LIAS: variants seen among roughly 807,000 people sequenced by gnomAD.
The protein encoded by LIAS is lipoic acid synthetase.
A neutral mutation model predicts 49.4 loss-of-function variants in LIAS; 36 were observed. The ratio of observed to expected loss-of-function variants is 0.73; its 90% confidence interval spans 0.56 to 0.96. LIAS has a LOEUF of 0.96. Ranked by LOEUF, LIAS falls within the 40% of genes least tolerant of loss-of-function variation. The probability of loss-of-function intolerance (pLI) is 0.00; values close to 1 mark genes in which losing one functional copy is unlikely to be tolerated. For synonymous variants in LIAS, 145 were observed against 155.8 expected, an observed-to-expected ratio of 0.93 and a Z score of 0.52; for missense variants, 399 against 456.3, an observed-to-expected ratio of 0.87 and a Z score of 1.14.
intron 3 of LIAS, among the ~76,000 whole-genome samples, chr4:39,463,025 T>A (rs891348986): frequency 6.6e-6 from 1 of 151,972 alleles, no homozygotes; most frequent in South Asian, 2.1e-4. Context: ...TACATAATTA[T>A]GTAAGGGAGT....
At chr4:39,459,432 C>T (rs1035658963) in intron 1 of LIAS, among the ~76,000 whole-genome samples, 1 of 152,140 alleles carries the variant, frequency 6.6e-6, no homozygotes, top group African/African-American at 2.4e-5. Context: ...ATTTATGGAG[C>T]ACTGCAGTGA....
intron 6 of LIAS, among the ~76,000 whole-genome samples, chr4:39,465,690 G>A (rs1209564139): frequency 6.7e-6 from 1 of 149,166 alleles, no homozygotes; most frequent in African/African-American, 2.5e-5. Flanking sequence ...TTTTGAGATG[G>A]AGTCTCGCTC....
chr4:39,460,200 G>A (rs996120599), intron 1 of LIAS, among the ~76,000 whole-genome samples: 3 of 152,148 alleles, frequency 2.0e-5, no homozygotes, highest in Non-Finnish European at 4.4e-5. Flanking sequence ...CTAGTTCCTG[G>A]TAGGTGGAGT....
At chr4:39,467,442 A>C (rs181382607) in intron 6 of LIAS, 76 bp from the exon 7 acceptor site, 1 of 1,398,866 alleles carries the variant, frequency 7.1e-7, no homozygotes, top group East Asian at 2.4e-5. Context: ...CTGAACGATT[A>C]CTGATAATTT....
At chr4:39,468,502 A>AAAAAAAATATATATAT (rs140159831) in intron 7 of LIAS, 1 of 125,186 alleles carries the variant, frequency 8.0e-6, no homozygotes, top group African/African-American at 3.0e-5. Context: ...GGAAAAAAAA[A>AAAAAAAATATATATAT]ATATATATAT....
chr4:39,462,646 A>C (rs1744566970), intron 3 of LIAS, among the ~76,000 whole-genome samples: 1 of 152,172 alleles, frequency 6.6e-6, no homozygotes. Context: ...AGACTTTTTT[A>C]TTTGCACATA....
chr4:39,463,374 G>T, intron 3 of LIAS, 151 bp from the exon 4 acceptor site: 1 of 985,068 alleles, frequency 1.0e-6, no homozygotes, highest in Non-Finnish European at 1.4e-6. Flanking sequence ...ATGAGCCAGC[G>T]CACTTGGTCT....
intron 6 of LIAS, chr4:39,467,128 C>G (rs1482382273): frequency 6.6e-6 from 1 of 152,370 alleles, no homozygotes; most frequent in Non-Finnish European, 1.5e-5. Flanking sequence ...ATAATACTCA[C>G]ATTTATATAA....
At position 39,459,342 on chromosome 4, in the gene LIAS, C is replaced by T. The variant is rs562509717; in HGVS notation, c.45+180C>T. ...TCCCGCCAGCCCCATGATATAGAGTCTCTGGCATCAGTTTGTTTGCAAGTC... is the reference window on the plus strand; with the variant it reads ...TCCCGCCAGCCCCATGATATAGAGTTTCTGGCATCAGTTTGTTTGCAAGTC... On this transcript the variant is annotated intron_variant, in intron 1 of 10. Transcript: ENST00000640888. 9.7e-6 allele frequency: 6 copies of T among 621,180 alleles called. No individual in the cohort carries two copies. In the East Asian group the frequency reaches 1.4e-4, roughly 14 times the overall value. The allele number at this position is 621,180 out of a possible 1,614,324, so 38.5% of individuals were successfully genotyped here.
intron 9 of LIAS, among the ~76,000 whole-genome samples, chr4:39,472,084 C>T (rs68058025): frequency 0.38 from 57,748 of 151,574 alleles, 11,275 homozygotes; most frequent in African/African-American, 0.45. Context: ...TATATATATA[C>T]GTATGTGTGT....
intron 10 of LIAS, chr4:39,473,422 T>C (rs1745065726): frequency 4.9e-6 from 2 of 410,298 alleles, no homozygotes; most frequent in African/African-American, 4.1e-5. Context: ...CTTAAACAAA[T>C]TCAGCCCCCT....
intron 7 of LIAS, chr4:39,468,497 A>C (rs1300436794): frequency 7.9e-6 from 1 of 126,060 alleles, no homozygotes; most frequent in Non-Finnish European, 1.7e-5. Flanking sequence ...AGAAAGGAAA[A>C]AAAAAATATA....
Position 39,478,717 on chromosome 4 carries a change from T to C in LIAS, c.*1602T>C, listed in dbSNP as rs1208219820. ...CTTTCATTTCTCACATTGGTTGTATTATATGATGGTAAAGGCCTGAGAAAG... is the reference window on the plus strand; with the variant it reads ...CTTTCATTTCTCACATTGGTTGTATCATATGATGGTAAAGGCCTGAGAAAG... On this transcript the variant is annotated 3_prime_UTR_variant, in exon 11 of 11. Transcript: ENST00000640888. 6.6e-6 allele frequency: 1 copy of C among 152,212 alleles called. No individual in the cohort carries two copies. The highest frequency in any genetic ancestry group is 2.4e-5 in the African/African-American group (1 of 41,450). 9.4% of individuals were successfully genotyped at this position (152,212 alleles called of 1,614,324 possible).
At chr4:39,470,435 T>C (rs1372843480) in intron 8 of LIAS, 1 of 290,930 alleles carries the variant, frequency 3.4e-6, no homozygotes, top group African/African-American at 2.2e-5. Flanking sequence ...CCCCATCCTT[T>C]GCATCCACTG....
In LIAS at chr4:39,470,058, A is replaced by G; in HGVS notation, c.777A>G (p.Leu259=). ...RDPRANFDQS[L]RVLKHAKKVQ... is the part of the protein sequence containing the mutation. ...CTCGGGCCAATTTTGATCAGTCCCTACGTGTACTGAAACATGCCAAGAAGG... is the reference window on the plus strand; with the variant it reads ...CTCGGGCCAATTTTGATCAGTCCCTGCGTGTACTGAAACATGCCAAGAAGG... Residue 259 remains leucine, a synonymous_variant, in exon 8 of 11, where the codon CTA becomes CTG. Coordinates refer to ENST00000640888, the MANE Select transcript of LIAS (RefSeq NM_006859.4). 1.9e-6 allele frequency: 3 copies of G among 1,614,022 alleles called. No individual in the cohort carries two copies. Among genetic ancestry groups the G allele is most frequent in the Non-Finnish European group, 2.5e-6 (3 of 1,179,896 alleles).
intron 1 of LIAS, among the ~76,000 whole-genome samples, chr4:39,460,163 A>G (rs1372048875): frequency 6.6e-6 from 1 of 152,210 alleles, no homozygotes; most frequent in Non-Finnish European, 1.5e-5. Flanking sequence ...CAGTTATTGC[A>G]GTTCAATCTT....
At chr4:39,470,211 A>G in intron 8 of LIAS, 47 bp downstream of exon 8, 2 of 1,536,268 alleles carry the variant, frequency 1.3e-6, no homozygotes, top group Non-Finnish European at 1.8e-6. Flanking sequence ...AATTTGAGTA[A>G]TAGCAGGAAC....
At chr4:39,461,210 T>A (rs1744483788) in intron 2 of LIAS, among the ~76,000 whole-genome samples, 1 of 152,214 alleles carries the variant, frequency 6.6e-6, no homozygotes. Context: ...GCATCCAACT[T>A]CTTCAGAGTA....
Position 39,465,138 on chromosome 4 carries a change from T to C in LIAS, c.486T>C (p.Asn162=). The C allele has an allele frequency of 6.2e-7, 1 of 1,614,198 alleles. No individual in the cohort carries two copies. Among genetic ancestry groups the C allele is most frequent in the Non-Finnish European group, 8.5e-7 (1 of 1,180,016 alleles). The part of the protein sequence containing the change: ...PPPLDASEPY[N]TAKAIAEWGL... ...CACTGGATGCCAGTGAGCCCTACAA[T>C]ACTGCAAAGGCAATTGCAGAATGGG... The change falls in exon 5 of 11, where the codon AAT becomes AAC. Residue 162 remains asparagine (N), a synonymous_variant. Transcript: ENST00000640888.
Sources: allele counts gnomAD v4.1 joint callset (sites outside exome capture counted in the v4.1 genomes callset), GRCh38; gene constraint gnomAD v4.1.1; transcripts MANE v1.5; gene names NCBI Gene and HGNC (gene_info 2026-07-23, HGNC 2026-07-21).